ZNF239: variants seen among roughly 807,000 people sequenced by gnomAD.
ZNF239 encodes the protein zinc finger protein 239, also known as zinc finger protein (C2H2) homologous to mouse MOK-2.
Under a neutral mutation model 27.5 loss-of-function variants are expected in ZNF239, and 16 were observed. That is an observed-to-expected ratio of 0.58 (90% CI 0.39 to 0.88). The LOEUF (loss-of-function observed/expected upper bound fraction) is 0.88, where lower values mean the gene tolerates loss of function less well. ZNF239 is among the 40% of genes least tolerant of loss of function. The probability of loss-of-function intolerance (pLI) is 0.00; values close to 1 mark genes in which losing one functional copy is unlikely to be tolerated. For synonymous variants in ZNF239, 199 were observed against 192.6 expected, an observed-to-expected ratio of 1.03 and a Z score of -0.27; for missense variants, 527 against 551.9, an observed-to-expected ratio of 0.95 and a Z score of 0.45.
At position 43,556,472 on chromosome 10, in the gene ZNF239, A is replaced by G. The variant is rs1416770644; in HGVS notation, c.*231T>C. 7.4e-6 allele frequency: 4 copies of G among 541,810 alleles called. No individual in the cohort carries two copies. The highest frequency in any genetic ancestry group is 1.3e-5 in the Non-Finnish European group (4 of 313,138). The allele number at this position is 541,810 out of a possible 1,614,324, so 33.6% of individuals were successfully genotyped here. ...AGAACATGTAGTTGAATTGTAAAGT[A>G]CAGACACTTTTACTCTACCCATCTG... On this transcript the variant is annotated 3_prime_UTR_variant, in exon 4 of 4. Transcript: ENST00000374446.
intron 3 of ZNF239, among the ~76,000 whole-genome samples, chr10:43,561,342 C>CAAAA (rs386371260): frequency 6.7e-6 from 1 of 149,254 alleles, no homozygotes; most frequent in East Asian, 1.9e-4. Flanking sequence ...AAAAAACAAA[C>CAAAA]AAACAAACAA....
intron 3 of ZNF239, among the ~76,000 whole-genome samples, chr10:43,566,987 C>G (rs1235016600): frequency 6.6e-6 from 1 of 152,040 alleles, no homozygotes; most frequent in Non-Finnish European, 1.5e-5. Flanking sequence ...CCAGCCACTC[C>G]AGAGGCCGAG....
At chr10:43,574,452 C>G (rs1001364546) in intron 1 of ZNF239, 88 bp downstream of exon 1, 1 of 152,250 alleles carries the variant, frequency 6.6e-6, no homozygotes, top group Non-Finnish European at 1.5e-5. Context: ...TTCCGCAGCT[C>G]GGCGGCCCAG....
At chr10:43,564,670 C>A (rs1837508997) in intron 3 of ZNF239, among the ~76,000 whole-genome samples, 1 of 152,068 alleles carries the variant, frequency 6.6e-6, no homozygotes, top group South Asian at 2.1e-4. Context: ...GCTGGGACTA[C>A]AGGTGTATGC....
chr10:43,557,936 C>G lies in ZNF239; in HGVS notation c.144G>C (p.Met48Ile). Residue 48 changes from methionine (M) to isoleucine (I), a missense_variant, in exon 4 of 4, where the codon ATG becomes ATC. Met to Ile is a conservative substitution (Grantham distance 10). Transcript: ENST00000374446. ...TTTCGAAACAACCACTTTGAAGAGT[C>G]ATCACACTGTCCCTGTTTCTGGAAA... ...SPISRNRDSV[M>I]TLQSGCFENI... 1.9e-6 allele frequency: 3 copies of G among 1,614,188 alleles called. No homozygotes were observed. The highest frequency in any genetic ancestry group is 2.5e-6 in the Non-Finnish European group (3 of 1,180,036).
intron 3 of ZNF239, 21 bp from the exon 4 acceptor site, chr10:43,558,192 A>G: frequency 6.8e-7 from 1 of 1,463,020 alleles, no homozygotes; most frequent in Non-Finnish European, 9.0e-7. Context: ...AAGACAATTC[A>G]GTGGTAAGAA....
At chr10:43,568,110 T>TA in intron 2 of ZNF239, 89 bp from the exon 3 acceptor site, 1 of 985,666 alleles carries the variant, frequency 1.0e-6, no homozygotes, top group East Asian at 1.1e-4. Flanking sequence ...CTGGAAAAGG[T>TA]AAGAAAGGTA....
At chr10:43,564,931 A>G (rs574767401) in intron 3 of ZNF239, among the ~76,000 whole-genome samples, 1 of 152,332 alleles carries the variant, frequency 6.6e-6, no homozygotes, top group East Asian at 1.9e-4. Context: ...TTAAAAAGGA[A>G]AATAATTTTA....
At chr10:43,559,874 T>C (rs577850456) in intron 3 of ZNF239, among the ~76,000 whole-genome samples, 1 of 152,150 alleles carries the variant, frequency 6.6e-6, no homozygotes, top group African/African-American at 2.4e-5. Context: ...GGGAAAAAAA[T>C]GTACAGCTCA....
At position 43,573,805 on chromosome 10, in the gene ZNF239, C is replaced by A. The variant is rs115457153; in HGVS notation, c.-256-128G>T. On this transcript the variant is annotated intron_variant, in intron 1 of 3. Transcript: ENST00000374446. Reference sequence around the variant, plus strand: ...TCACTTCCACCCACACTCCCTCCATCAGGTGAGAGGTGAAGCATTTTCTGT... The same window carrying A: ...TCACTTCCACCCACACTCCCTCCATAAGGTGAGAGGTGAAGCATTTTCTGT... 842 of 198,956 alleles carry A rather than the reference C, an allele frequency of 4.2e-3. 3 individuals are homozygous for A. The highest frequency in any genetic ancestry group is 0.019 in the African/African-American group (796 of 42,382). 12.3% of individuals were successfully genotyped at this position (198,956 alleles called of 1,614,324 possible).
intron 2 of ZNF239, among the ~76,000 whole-genome samples, chr10:43,572,286 T>C (rs954970937): frequency 6.6e-6 from 1 of 152,176 alleles, no homozygotes; most frequent in Non-Finnish European, 1.5e-5. Flanking sequence ...ATGTATTGAT[T>C]CTACTAAGGT....
At chr10:43,564,678 T>C (rs1338237928) in intron 3 of ZNF239, among the ~76,000 whole-genome samples, 3 of 152,056 alleles carry the variant, frequency 2.0e-5, no homozygotes, top group African/African-American at 7.2e-5. Context: ...TACAGGTGTA[T>C]GCCACCAGGC....
chr10:43,566,959 T>C (rs2132284636), intron 3 of ZNF239, among the ~76,000 whole-genome samples: 1 of 152,266 alleles, frequency 6.6e-6, no homozygotes, highest in Admixed American at 6.5e-5. Flanking sequence ...CCGGGTGTGG[T>C]GGCTCATGCC....
chr10:43,567,691 G>A (rs748653163), intron 3 of ZNF239, among the ~76,000 whole-genome samples: 1 of 152,168 alleles, frequency 6.6e-6, no homozygotes, highest in Non-Finnish European at 1.5e-5. Context: ...GGGTGATTGT[G>A]CAGAAAGCAA....
intron 2 of ZNF239, among the ~76,000 whole-genome samples, chr10:43,569,082 C>G (rs1837868114): frequency 1.3e-5 from 2 of 152,194 alleles, no homozygotes; most frequent in African/African-American, 4.8e-5. Flanking sequence ...AGCATCTGCT[C>G]TTCCCCAGTC....
At chr10:43,562,667 T>C (rs1431682312) in intron 3 of ZNF239, among the ~76,000 whole-genome samples, 1 of 152,194 alleles carries the variant, frequency 6.6e-6, no homozygotes, top group Non-Finnish European at 1.5e-5. Flanking sequence ...CTGTGGCTGA[T>C]GGAGCAGCAG....
Position 43,559,848 on chromosome 10 carries a change from G to A in ZNF239, c.-92-1677C>T, listed in dbSNP as rs73262953. Among the ~76,000 whole-genome samples, 239 of 152,296 alleles carry A rather than the reference G, an allele frequency of 1.6e-3. 1 individual carries two copies. The highest frequency in any genetic ancestry group is 5.4e-3 in the African/African-American group (226 of 41,566). ...ATGATAAGGAGCAGATGGATTAGGAGTGATGGAGGAACTAGGGGAAAAAAA... is the reference window on the plus strand; with the variant it reads ...ATGATAAGGAGCAGATGGATTAGGAATGATGGAGGAACTAGGGGAAAAAAA... On this transcript the variant is annotated intron_variant, in intron 3 of 3. Coordinates refer to ENST00000374446, the MANE Select transcript of ZNF239 (RefSeq NM_001099282.2).
At chr10:43,564,729 A>G (rs536044258) in intron 3 of ZNF239, among the ~76,000 whole-genome samples, 3 of 151,896 alleles carry the variant, frequency 2.0e-5, no homozygotes, top group Non-Finnish European at 2.9e-5. Context: ...GGGTTTTGCC[A>G]TGTTGCCCAG....
Position 43,556,943 on chromosome 10 carries a change from C to T in ZNF239, c.1137G>A (p.Glu379=), listed in dbSNP as rs200702905. The stretch of plus-strand genomic sequence containing the variant: ...AGCTCTGGCTGAAACCCTTCCCACA[C>T]TCATAGCATTGGTAAGGCTTCTCTC... The part of the protein sequence containing the change: ...HTGEKPYQCY[E]CGKGFSQSSD... The change falls in exon 4 of 4, where the codon GAG becomes GAA. Residue 379 remains glutamate (E), a synonymous_variant. Coordinates refer to ENST00000374446, the MANE Select transcript of ZNF239 (RefSeq NM_001099282.2). The T allele has an allele frequency of 1.5e-4, 246 of 1,613,676 alleles. No individual in the cohort carries two copies. Among genetic ancestry groups the T allele is most frequent in the Middle Eastern group, 1.3e-3 (8 of 6,060 alleles).
Sources: gnomAD v4.1 joint callset for allele counts (sites outside exome capture counted in the v4.1 genomes callset) on GRCh38, gnomAD v4.1.1 for gene constraint, MANE v1.5 for transcripts, NCBI Gene and HGNC (gene_info 2026-07-23, HGNC 2026-07-21) for gene names.